The following SOX5 variants were observed in gnomAD, a reference collection of about 807,000 sequenced individuals.
The protein encoded by SOX5 is transcription factor SOX-5.
Under a neutral mutation model 92.0 loss-of-function variants are expected in SOX5, and 9 were observed. The observed-to-expected ratio is 0.10, with a 90% CI of 0.06 to 0.17. The LOEUF (loss-of-function observed/expected upper bound fraction) is 0.17. Among genes scored for constraint, SOX5 ranks in the 10% least tolerant of loss-of-function variants. SOX5 has a pLI of 1.00. For missense variants in SOX5, 642 were observed against 944.5 expected (o/e 0.68, Z 4.20); for synonymous variants, 344 against 336.3 (o/e 1.02, Z -0.25).
At chr12:24,434,900 G>A (rs930379126) in intron 1 of SOX5, among the ~76,000 whole-genome samples, 3 of 152,140 alleles carry the variant, frequency 2.0e-5, no homozygotes, top group Non-Finnish European at 4.4e-5. Context: ...TTTATAAGCA[G>A]TGCAAGAATG....
chr12:23,867,680 A>T (rs1245959423), intron 2 of SOX5, among the ~76,000 whole-genome samples: 4 of 152,068 alleles, frequency 2.6e-5, no homozygotes, highest in African/African-American at 9.7e-5. Flanking sequence ...CACTGAAATG[A>T]ATTAAGTGGG....
intron 7 of SOX5, among the ~76,000 whole-genome samples, chr12:23,648,970 C>G (rs1245796393): frequency 6.6e-6 from 1 of 152,034 alleles, no homozygotes; most frequent in Non-Finnish European, 1.5e-5. Context: ...TGTCTAATAG[C>G]GCTACGCTAT....
chr12:23,981,576 T>C (rs1302863888), intron 4 of SOX5, among the ~76,000 whole-genome samples: 3 of 152,196 alleles, frequency 2.0e-5, no homozygotes, highest in Non-Finnish European at 4.4e-5. Flanking sequence ...ATGAAGAGCT[T>C]GGTTTTAGTT....
At chr12:24,542,945 T>C (rs1952276641) in intron 1 of SOX5, among the ~76,000 whole-genome samples, 2 of 152,218 alleles carry the variant, frequency 1.3e-5, no homozygotes, top group South Asian at 4.1e-4. Context: ...AGATAATGAG[T>C]CTTCACTCAG....
At chr12:23,967,374 A>G (rs1947714370) in intron 4 of SOX5, among the ~76,000 whole-genome samples, 1 of 152,114 alleles carries the variant, frequency 6.6e-6, no homozygotes, top group African/African-American at 2.4e-5. Flanking sequence ...CACAAATAGA[A>G]AATATAAAAA....
intron 5 of SOX5, among the ~76,000 whole-genome samples, chr12:23,740,355 C>T (rs1286599807): frequency 6.6e-6 from 1 of 152,162 alleles, no homozygotes; most frequent in Admixed American, 6.5e-5. Context: ...ACTCTTCCAC[C>T]TGTTTATTCC....
chr12:23,546,172 A>G (rs1436939436), intron 12 of SOX5, 144 bp downstream of exon 12: 1 of 567,084 alleles, frequency 1.8e-6, no homozygotes, highest in Non-Finnish European at 3.1e-6. Context: ...TGCTTGGCAC[A>G]TGGGGACTGC....
At chr12:24,299,638 G>C (rs1040338525) in intron 2 of SOX5, among the ~76,000 whole-genome samples, 1 of 152,152 alleles carries the variant, frequency 6.6e-6, no homozygotes, top group African/African-American at 2.4e-5. Context: ...AGTTTATGTG[G>C]TAGCATTTTT....
At chr12:23,965,172 C>A (rs1947402563) in intron 4 of SOX5, among the ~76,000 whole-genome samples, 1 of 152,202 alleles carries the variant, frequency 6.6e-6, no homozygotes. Flanking sequence ...TCGATGGTGT[C>A]CCTGCCTGCC....
chr12:24,424,798 GTTT>G (rs35948858), intron 1 of SOX5, among the ~76,000 whole-genome samples: 1 of 96,248 alleles, frequency 1.0e-5, no homozygotes, highest in Admixed American at 1.2e-4. Context: ...TTCTTTGTGA[GTTT>G]TTTTTTTGGG....
At chr12:24,499,966 C>A (rs1026629282) in intron 1 of SOX5, among the ~76,000 whole-genome samples, 3 of 152,100 alleles carry the variant, frequency 2.0e-5, no homozygotes, top group Non-Finnish European at 2.9e-5. Flanking sequence ...CAATGTGACT[C>A]ATCTCTTTGG....
chr12:23,737,196 G>T (rs1318925457), intron 5 of SOX5, among the ~76,000 whole-genome samples: 1 of 152,030 alleles, frequency 6.6e-6, no homozygotes, highest in Non-Finnish European at 1.5e-5. Flanking sequence ...TCTCTCATCT[G>T]GATTGTTGTA....
chr12:24,169,463 A>C (rs1004455849), intron 4 of SOX5, among the ~76,000 whole-genome samples: 13 of 152,230 alleles, frequency 8.5e-5, no homozygotes, highest in Admixed American at 5.2e-4. Context: ...CCTCAGAGAT[A>C]GTGTTTTAAG....
intron 6 of SOX5, among the ~76,000 whole-genome samples, chr12:23,725,781 T>C (rs759683397): frequency 2.0e-5 from 3 of 152,128 alleles, no homozygotes; most frequent in Non-Finnish European, 4.4e-5. Flanking sequence ...GCAGACAATC[T>C]ACCAAATAAG....
At chr12:23,879,594 T>G (rs968574630) in intron 2 of SOX5, among the ~76,000 whole-genome samples, 13 of 152,224 alleles carry the variant, frequency 8.5e-5, no homozygotes, top group African/African-American at 2.7e-4. Flanking sequence ...ATGTAACTAC[T>G]GAGGCCAATC....
chr12:23,971,323 C>T (rs1373749449), intron 4 of SOX5, among the ~76,000 whole-genome samples: 1 of 151,248 alleles, frequency 6.6e-6, no homozygotes, highest in African/African-American at 2.4e-5. Context: ...GGGATTTTAC[C>T]GTGTTAGCCA....
intron 1 of SOX5, among the ~76,000 whole-genome samples, chr12:24,499,431 C>T (rs760481275): frequency 1.8e-4 from 28 of 152,112 alleles, no homozygotes; most frequent in East Asian, 5.8e-4. Context: ...GGGTGCTATG[C>T]GCACCGCAAG....
intron 3 of SOX5, among the ~76,000 whole-genome samples, chr12:23,845,111 C>T (rs950982015): frequency 5.3e-5 from 8 of 152,194 alleles, no homozygotes; most frequent in African/African-American, 1.9e-4. Context: ...TCCTAACAGA[C>T]TAGAAATGAG....
intron 1 of SOX5, among the ~76,000 whole-genome samples, chr12:24,542,464 C>T (rs886885943): frequency 5.9e-5 from 9 of 152,164 alleles, no homozygotes; most frequent in East Asian, 5.8e-4. Flanking sequence ...TATAATACAA[C>T]GTTCTTAGCC....
Sources: gnomAD v4.1 joint callset for allele counts (sites outside exome capture counted in the v4.1 genomes callset) on GRCh38, gnomAD v4.1.1 for gene constraint, MANE v1.5 for transcripts, NCBI Gene and HGNC (gene_info 2026-07-23, HGNC 2026-07-21) for gene names.